Variants in OR1Q1 observed in about 807,000 individuals in gnomAD.
OR1Q1 encodes olfactory receptor family 1 subfamily Q member 1, also known as olfactory receptor 1Q1.
For missense variants in OR1Q1, 362 were observed against 391.1 expected (o/e 0.93, Z 0.63); for synonymous variants, 151 against 143.0 (o/e 1.06, Z -0.40).
Position 122,615,295 on chromosome 9 carries a change from G to C in OR1Q1, c.558G>C (p.Lys186Asn). ...HFFCDLYALM[K>N]ISCTSTYLNT... ...TCTGTGACCTCTACGCTCTGATGAAGATCTCCTGCACCAGCACCTACCTCA... is the reference window on the plus strand; with the variant it reads ...TCTGTGACCTCTACGCTCTGATGAACATCTCCTGCACCAGCACCTACCTCA... Residue 186 changes from lysine (K) to asparagine (N), a missense_variant, in exon 1 of 1, where the codon AAG (lysine) becomes AAC (asparagine). Lys to Asn is a moderately conservative substitution (Grantham distance 94). Coordinates refer to ENST00000297913, the MANE Select transcript of OR1Q1 (RefSeq NM_012364.1). The C allele has an allele frequency of 1.9e-6, 3 of 1,614,168 alleles. No individual in the cohort carries two copies. The highest frequency in any genetic ancestry group is 2.2e-5 in the South Asian group (2 of 91,076).
At position 122,615,454 on chromosome 9, in the gene OR1Q1, T is replaced by C. The variant is rs1219201259; in HGVS notation, c.717T>C (p.Ser239=). 2 of 1,613,940 alleles carry C rather than the reference T, an allele frequency of 1.2e-6. No homozygotes were observed. The highest frequency in any genetic ancestry group is 1.7e-6 in the Non-Finnish European group (2 of 1,179,980). The part of the protein sequence containing the change: ...PSAKGRWKTF[S]TCGSHLTVVA... ...CCAAGGGCAGGTGGAAAACCTTTTCTACCTGCGGCTCCCACCTCACTGTGG... is the reference window on the plus strand; with the variant it reads ...CCAAGGGCAGGTGGAAAACCTTTTCCACCTGCGGCTCCCACCTCACTGTGG... Residue 239 remains serine (S), a synonymous_variant, in exon 1 of 1, where the codon TCT becomes TCC. Transcript: ENST00000297913.
rs1406331115 is a variant in OR1Q1, at chr9:122,614,926, C to T, written c.189C>T (p.Leu63=). The change falls in exon 1 of 1, where the codon CTC becomes CTT. Residue 63 remains leucine (L), a synonymous_variant. Transcript: ENST00000297913. ...TCCACATCCCCATGTACATCTTCCT[C>T]AGTAACTTGGCCTTGACAGACATCT... The part of the protein sequence containing the change: ...PRLHIPMYIF[L]SNLALTDICF... The T allele has an allele frequency of 2.5e-6, 4 of 1,614,184 alleles. No homozygotes were observed. The highest frequency in any genetic ancestry group is 2.2e-5 in the East Asian group (1 of 44,888).
rs1331099990 is a variant in OR1Q1, at chr9:122,615,507, G to C, written c.770G>C (p.Trp257Ser). The change falls in exon 1 of 1, where the codon TGG (tryptophan) becomes TCG (serine). Residue 257 changes from tryptophan to serine, a missense_variant. Trp to Ser is a radical substitution (Grantham distance 177). Coordinates refer to ENST00000297913, the MANE Select transcript of OR1Q1 (RefSeq NM_012364.1). ...VVAIFYGTLS[W>S]VYFRPLSSYS... ...GCCATATTCTATGGCACCCTCAGTT[G>C]GGTCTACTTCCGGCCCCTTTCCAGC... 6.2e-7 allele frequency: 1 copy of C among 1,612,950 alleles called. No homozygotes were observed. The highest frequency in any genetic ancestry group is 2.2e-5 in the East Asian group (1 of 44,856).
Position 122,615,435 on chromosome 9 carries a change from G to T in OR1Q1, c.698G>T (p.Gly233Val). Residue 233 changes from glycine (G) to valine (V), a missense_variant, in exon 1 of 1, where the codon GGC (glycine) becomes GTC (valine). Physicochemically the swap from Gly to Val is moderately radical, Grantham distance 109 (BLOSUM62 -3). Transcript: ENST00000297913. ...LVVLRIPSAK[G>V]RWKTFSTCGS... ...GTCCTCCGGATCCCCTCAGCCAAGG[G>T]CAGGTGGAAAACCTTTTCTACCTGC... The T allele has an allele frequency of 1.9e-6, 3 of 1,614,082 alleles. No homozygotes were observed. Among genetic ancestry groups the T allele is most frequent in the Non-Finnish European group, 2.5e-6 (3 of 1,180,018 alleles).
Position 122,614,871 on chromosome 9 carries a change from T to C in OR1Q1, c.134T>C (p.Ile45Thr). Residue 45 changes from isoleucine to threonine, a missense_variant, in exon 1 of 1, where the codon ATC (isoleucine) becomes ACC (threonine). Transcript: ENST00000297913. Reference sequence around the variant, plus strand: ...ATCAATATTTCTGGCAACTTGGCCATCATCACACTGATTCTCTCTGCTCCA... The same window carrying C: ...ATCAATATTTCTGGCAACTTGGCCACCATCACACTGATTCTCTCTGCTCCA... ...YAINISGNLA[I>T]ITLILSAPRL... 6.2e-7 allele frequency: 1 copy of C among 1,614,138 alleles called. No homozygotes were observed. The highest frequency in any genetic ancestry group is 8.5e-7 in the Non-Finnish European group (1 of 1,180,014).
At position 122,614,962 on chromosome 9, in the gene OR1Q1, C is replaced by T. The variant is rs755889382; in HGVS notation, c.225C>T (p.Ser75=). 2 of 1,614,174 alleles carry T rather than the reference C, an allele frequency of 1.2e-6. No homozygotes were observed. The highest frequency in any genetic ancestry group is 2.2e-5 in the South Asian group (2 of 91,078). Residue 75 remains serine (S), a synonymous_variant, in exon 1 of 1, where the codon TCC becomes TCT. Coordinates refer to ENST00000297913, the MANE Select transcript of OR1Q1 (RefSeq NM_012364.1). ...CCTTGACAGACATCTGCTTCACCTC[C>T]ACCACGGTCCCCAAGATGCTGCAGA... The part of the protein sequence containing the change: ...NLALTDICFT[S]TTVPKMLQII...
rs371575463 is a variant in OR1Q1, at chr9:122,615,283, C to T, written c.546C>T (p.Tyr182=). 4.1e-5 allele frequency: 66 copies of T among 1,614,200 alleles called. No individual in the cohort carries two copies. The highest frequency in any genetic ancestry group is 9.3e-5 in the African/African-American group (7 of 75,050). The stretch of plus-strand genomic sequence containing the variant: ...TCCCCCACTTCTTCTGTGACCTCTA[C>T]GCTCTGATGAAGATCTCCTGCACCA... ...NRIPHFFCDL[Y]ALMKISCTST... The change falls in exon 1 of 1, where the codon TAC becomes TAT. Residue 182 remains tyrosine (Y), a synonymous_variant. Coordinates refer to ENST00000297913, the MANE Select transcript of OR1Q1 (RefSeq NM_012364.1).
Position 122,614,913 on chromosome 9 carries a change from T to C in OR1Q1, c.176T>C (p.Met59Thr), listed in dbSNP as rs369068947. Residue 59 changes from methionine (M) to threonine (T), a missense_variant, in exon 1 of 1, where the codon ATG becomes ACG. Physicochemically the swap from Met to Thr is moderately conservative, Grantham distance 81. Transcript: ENST00000297913. ...ILSAPRLHIPMYIFLSNLALT... is the reference protein window; with the variant it reads ...ILSAPRLHIPTYIFLSNLALT... ...TCTGCTCCACGCCTCCACATCCCCA[T>C]GTACATCTTCCTCAGTAACTTGGCC... 2.3e-5 allele frequency: 37 copies of C among 1,614,092 alleles called. No homozygotes were observed. The highest frequency in any genetic ancestry group is 2.9e-5 in the Non-Finnish European group (34 of 1,180,050).
chr9:122,614,848 C>A lies in OR1Q1; in HGVS notation c.111C>A (p.Ile37=). ...LFLVFSLMYA[I]NISGNLAIIT... The stretch of plus-strand genomic sequence containing the variant: ...TTGTTTTCTCACTCATGTACGCAAT[C>A]AATATTTCTGGCAACTTGGCCATCA... Residue 37 remains isoleucine, a synonymous_variant, in exon 1 of 1, where the codon ATC becomes ATA. Coordinates refer to ENST00000297913, the MANE Select transcript of OR1Q1 (RefSeq NM_012364.1). The A allele has an allele frequency of 6.2e-7, 1 of 1,614,120 alleles. No individual in the cohort carries two copies. The highest frequency in any genetic ancestry group is 8.5e-7 in the Non-Finnish European group (1 of 1,179,974).
Position 122,615,613 on chromosome 9 carries a change from G to A in OR1Q1, c.876G>A (p.Leu292=), listed in dbSNP as rs1472563130. The A allele has an allele frequency of 6.3e-7, 1 of 1,589,726 alleles. No homozygotes were observed. Among genetic ancestry groups the A allele is most frequent in the Non-Finnish European group, 8.5e-7 (1 of 1,171,618 alleles). Residue 292 remains leucine, a synonymous_variant, in exon 1 of 1, where the codon CTG becomes CTA. Transcript: ENST00000297913. ...TGCTGAACCCCTTCATCTACAGCCT[G>A]AGGAATGGGGATGTCAAGGGAGGCT... ...TPMLNPFIYS[L]RNGDVKGGFM...
chr9:122,615,185 GCT>G lies in OR1Q1; in HGVS notation c.454_455del (p.Ser152ProfsTer20). The G allele has an allele frequency of 6.2e-7, 1 of 1,614,120 alleles. No individual in the cohort carries two copies. Among genetic ancestry groups the G allele is most frequent in the Non-Finnish European group, 8.5e-7 (1 of 1,180,014 alleles). ...LCVKMVVMCHALSHLHAMLHT... is the reference protein window; with the variant it reads ...LCVKMVVMCHXLSHLHAMLHT... ...TGTGAAGATGGTGGTCATGTGCCAT[GCT>G]CTCTCCCACCTTCATGCCATGCTGC... On this transcript the variant is annotated frameshift_variant, in exon 1 of 1. Coordinates refer to ENST00000297913, the MANE Select transcript of OR1Q1 (RefSeq NM_012364.1). LOFTEE classifies it low-confidence loss of function (END_TRUNC).
chr9:122,614,944 A>C lies in OR1Q1; in HGVS notation c.207A>C (p.Thr69=), dbSNP rs10985733. ...MYIFLSNLAL[T]DICFTSTTVP... ...TCTTCCTCAGTAACTTGGCCTTGAC[A>C]GACATCTGCTTCACCTCCACCACGG... The change falls in exon 1 of 1, where the codon ACA becomes ACC. Residue 69 remains threonine, a synonymous_variant. Transcript: ENST00000297913. The C allele has an allele frequency of 8.0e-5, 129 of 1,614,190 alleles. No homozygotes were observed. In the East Asian group the frequency reaches 1.7e-3, roughly 21 times the overall value.
At position 122,615,424 on chromosome 9, in the gene OR1Q1, C is replaced by A; in HGVS notation, c.687C>A (p.Pro229=). The stretch of plus-strand genomic sequence containing the variant: ...TCATCCTGGTGGTCCTCCGGATCCC[C>A]TCAGCCAAGGGCAGGTGGAAAACCT... ...ACIILVVLRI[P]SAKGRWKTFS... is the part of the protein sequence containing the mutation. The change falls in exon 1 of 1, where the codon CCC becomes CCA. Residue 229 remains proline (P), a synonymous_variant. Coordinates refer to ENST00000297913, the MANE Select transcript of OR1Q1 (RefSeq NM_012364.1). 1.2e-6 allele frequency: 2 copies of A among 1,614,162 alleles called. No individual in the cohort carries two copies. The highest frequency in any genetic ancestry group is 1.7e-6 in the Non-Finnish European group (2 of 1,180,018).
At position 122,615,463 on chromosome 9, in the gene OR1Q1, C is replaced by T. The variant is rs370630370; in HGVS notation, c.726C>T (p.Gly242=). ...KGRWKTFSTC[G]SHLTVVAIFY... Reference sequence around the variant, plus strand: ...GGTGGAAAACCTTTTCTACCTGCGGCTCCCACCTCACTGTGGTGGCCATAT... The same window carrying T: ...GGTGGAAAACCTTTTCTACCTGCGGTTCCCACCTCACTGTGGTGGCCATAT... Residue 242 remains glycine (G), a synonymous_variant, in exon 1 of 1, where the codon GGC becomes GGT. Coordinates refer to ENST00000297913, the MANE Select transcript of OR1Q1 (RefSeq NM_012364.1). 9.0e-5 allele frequency: 145 copies of T among 1,613,966 alleles called. No homozygotes were observed. The highest frequency in any genetic ancestry group is 1.1e-4 in the Non-Finnish European group (134 of 1,180,014).
Position 122,615,565 on chromosome 9 carries a change from C to T in OR1Q1, c.828C>T (p.Val276=), listed in dbSNP as rs368555600. The T allele has an allele frequency of 7.5e-6, 12 of 1,604,330 alleles. No individual in the cohort carries two copies. Among genetic ancestry groups the T allele is most frequent in the South Asian group, 2.3e-5 (2 of 88,672 alleles). The change falls in exon 1 of 1, where the codon GTC becomes GTT. Residue 276 remains valine (V), a synonymous_variant. Transcript: ENST00000297913. ...YSVTKGRIIT[V]VYTVVTPMLN... ...TGACCAAGGGTCGCATTATAACAGT[C>T]GTGTACACAGTGGTGACTCCCATGC...
rs140000745 is a variant in OR1Q1, at chr9:122,615,496, C to T, written c.759C>T (p.Gly253=). The part of the protein sequence containing the change: ...SHLTVVAIFY[G]TLSWVYFRPL... ...TCACTGTGGTGGCCATATTCTATGGCACCCTCAGTTGGGTCTACTTCCGGC... is the reference window on the plus strand; with the variant it reads ...TCACTGTGGTGGCCATATTCTATGGTACCCTCAGTTGGGTCTACTTCCGGC... Residue 253 remains glycine (G), a synonymous_variant, in exon 1 of 1, where the codon GGC becomes GGT. Coordinates refer to ENST00000297913, the MANE Select transcript of OR1Q1 (RefSeq NM_012364.1). 15,830 of 1,613,572 alleles carry T rather than the reference C, an allele frequency of 9.8e-3. 106 individuals carry two copies. The highest frequency in any genetic ancestry group is 0.011 in the Non-Finnish European group (13,366 of 1,179,670).
rs1564214276 is a variant in OR1Q1, at chr9:122,615,215, AC to A, written c.480del (p.Leu162SerfsTer2). On this transcript the variant is annotated frameshift_variant, in exon 1 of 1. Coordinates refer to ENST00000297913, the MANE Select transcript of OR1Q1 (RefSeq NM_012364.1). LOFTEE classifies it low-confidence loss of function (END_TRUNC). ...CTCCCACCTTCATGCCATGCTGCAT[AC>A]CTTTCTCATAGGCCAACTAATCTTC... ...ALSHLHAMLH[T>X]FLIGQLIFCA... 2 of 1,613,222 alleles carry A rather than the reference AC, an allele frequency of 1.2e-6. No homozygotes were observed. The highest frequency in any genetic ancestry group is 1.3e-5 in the African/African-American group (1 of 74,866).
In OR1Q1 at chr9:122,615,605, T is replaced by C. The variant is rs775586362; in HGVS notation, c.868T>C (p.Tyr290His). The C allele has an allele frequency of 8.8e-6, 14 of 1,596,364 alleles. No homozygotes were observed. Among genetic ancestry groups the C allele is most frequent in the Admixed American group, 1.8e-5 (1 of 56,838 alleles). ...GACTCCCATGCTGAACCCCTTCATC[T>C]ACAGCCTGAGGAATGGGGATGTCAA... is the stretch of plus-strand genomic sequence containing the variant. The part of the protein sequence containing the change: ...VVTPMLNPFI[Y>H]SLRNGDVKGG... Residue 290 changes from tyrosine to histidine, a missense_variant, in exon 1 of 1, where the codon TAC (tyrosine) becomes CAC (histidine). Coordinates refer to ENST00000297913, the MANE Select transcript of OR1Q1 (RefSeq NM_012364.1).
Position 122,614,947 on chromosome 9 carries a change from C to T in OR1Q1, c.210C>T (p.Asp70=), listed in dbSNP as rs774562950. 1.9e-5 allele frequency: 31 copies of T among 1,614,082 alleles called. No homozygotes were observed. Among genetic ancestry groups the T allele is most frequent in the Non-Finnish European group, 2.5e-5 (30 of 1,180,016 alleles). Residue 70 remains aspartate (D), a synonymous_variant, in exon 1 of 1, where the codon GAC becomes GAT. Transcript: ENST00000297913. ...TCCTCAGTAACTTGGCCTTGACAGA[C>T]ATCTGCTTCACCTCCACCACGGTCC... ...YIFLSNLALT[D]ICFTSTTVPK... is the part of the protein sequence containing the mutation.
Sources: allele counts gnomAD v4.1 joint callset, GRCh38; gene constraint gnomAD v4.1.1; transcripts MANE v1.5; gene names NCBI Gene and HGNC (gene_info 2026-07-23, HGNC 2026-07-21).